The following CAMSAP3 variants were observed in gnomAD, a reference collection of about 807,000 sequenced individuals.
CAMSAP3 encodes calmodulin regulated spectrin associated protein family member 3.
CAMSAP3 carries 34 observed loss-of-function variants against 112.5 expected under a neutral mutation model. The ratio of observed to expected loss-of-function variants is 0.30; its 90% CI spans 0.23 to 0.40. The LOEUF (loss-of-function observed/expected upper bound fraction) is 0.40. CAMSAP3 is among the 10% of genes least tolerant of loss of function. CAMSAP3 has a pLI of 1.00. For missense variants in CAMSAP3, 1,602 were observed against 1,770.3 expected (o/e 0.90, Z 1.71); for synonymous variants, 868 against 799.8 (o/e 1.09, Z -1.44).
At position 7,611,140 on chromosome 19, in the gene CAMSAP3, C is replaced by T. The variant is rs751206694; in HGVS notation, c.1095C>T (p.Gly365=). 2 of 1,613,518 alleles carry T rather than the reference C, an allele frequency of 1.2e-6. No individual in the cohort carries two copies. Among genetic ancestry groups the T allele is most frequent in the South Asian group, 1.1e-5 (1 of 91,082 alleles). The part of the protein sequence containing the change: ...TFRHPLLSSG[G]PQSPLRGSTG... ...GCCACCCGCTTCTGTCATCTGGTGG[C>T]CCCCAGTCCCCACTCCGAGGATCCA... is the stretch of plus-strand genomic sequence containing the variant. The change falls in exon 9 of 17, where the codon GGC becomes GGT. Residue 365 remains glycine, a synonymous_variant. Coordinates refer to ENST00000160298, the MANE Select transcript of CAMSAP3 (RefSeq NM_020902.2). This position sits in a 1 kb window ranked among gnomAD's most constrained non-coding sequence, Gnocchi z 6.9.
In CAMSAP3 at chr19:7,612,277, C is replaced by T; in HGVS notation, c.1784C>T (p.Ala595Val). The T allele has an allele frequency of 6.3e-7, 1 of 1,599,026 alleles. No individual in the cohort carries two copies. The highest frequency in any genetic ancestry group is 2.3e-5 in the East Asian group (1 of 44,152). Residue 595 changes from alanine to valine, a missense_variant, in exon 11 of 17, where the codon GCC becomes GTC. Physicochemically the swap from Ala to Val is moderately conservative, Grantham distance 64. Transcript: ENST00000160298. The part of the protein sequence containing the change: ...SPTSTPAPPE[A>V]LSSEMSELSA... ...ACGTCCACTCCGGCCCCGCCGGAGG[C>T]CCTGAGCTCGGAGATGAGTGAGCTC...
rs2030483882 is a variant in CAMSAP3 at position 7,611,507 on chromosome 19, C to T, written c.1124-10C>T. On this transcript the variant is annotated splice_polypyrimidine_tract_variant and intron_variant, in intron 9 of 16. Coordinates refer to ENST00000160298, the MANE Select transcript of CAMSAP3 (RefSeq NM_020902.2). The surrounding 1 kb of genome is among the most constrained non-coding windows in gnomAD (Gnocchi z 6.9). ...GGGTCCCCATAGTGACCACTCATCG[C>T]CTCCCCCAGGCTCCCTGAAGTCTTC... 6.2e-7 allele frequency: 1 copy of T among 1,604,832 alleles called. No homozygotes were observed. The highest frequency in any genetic ancestry group is 8.5e-7 in the Non-Finnish European group (1 of 1,175,614).
chr19:7,608,043 C>T (rs2030305662), intron 4 of CAMSAP3, 83 bp from the exon 5 acceptor site: 1 of 1,536,122 alleles, frequency 6.5e-7, no homozygotes, highest in East Asian at 2.3e-5. Context: ...TGGCGGAAAC[C>T]CCAGGCCTCC....
intron 4 of CAMSAP3, 115 bp downstream of exon 4, chr19:7,606,686 C>G: frequency 2.5e-6 from 4 of 1,580,504 alleles, no homozygotes; most frequent in Non-Finnish European, 3.5e-6. Flanking sequence ...GACACACTCT[C>G]TCTTTCTTCC....
At position 7,596,168 on chromosome 19, in the gene CAMSAP3, ACCGGGGTCGGGGGCGGC is replaced by A; in HGVS notation, c.148+19_148+35del. The A allele has an allele frequency of 1.1e-5, 1 of 93,148 alleles. No homozygotes were observed. Among genetic ancestry groups the A allele is most frequent in the Non-Finnish European group, 1.8e-5 (1 of 56,024 alleles). The allele number at this position is 93,148 out of a possible 1,614,324, so 5.8% of individuals were successfully genotyped here. On this transcript the variant is annotated intron_variant, in intron 1 of 16. Coordinates refer to ENST00000160298, the MANE Select transcript of CAMSAP3 (RefSeq NM_020902.2). ...GGGCGCAGGTACCGGGGCTCGGGGG[ACCGGGGTCGGGGGCGGC>A]GGGCCGGGCGCGGCAGGTGCTGGGG...
At chr19:7,609,593 A>G (rs1249020713) in intron 5 of CAMSAP3, among the ~76,000 whole-genome samples, 1 of 152,150 alleles carries the variant, frequency 6.6e-6, no homozygotes, top group Admixed American at 6.5e-5. Flanking sequence ...AGATGGAGGC[A>G]GGGAGGTGGT....
Position 7,617,853 on chromosome 19 carries a change from G to A in CAMSAP3, c.3546G>A (p.Leu1182=), listed in dbSNP as rs1363971329. Residue 1182 remains leucine (L), a synonymous_variant, in exon 17 of 17, where the codon CTG becomes CTA. Transcript: ENST00000160298. The surrounding 1 kb of genome is among the most constrained non-coding windows in gnomAD (Gnocchi z 7.5). ...CGCTGTCGGGGGAGACAGAGGAGCT[G>A]TCGCGGCTGGCAGGGTATGGGCCCC... ...LYTLSGETEE[L]SRLAGYGPRT... 2 of 1,613,638 alleles carry A rather than the reference G, an allele frequency of 1.2e-6. No homozygotes were observed. Among genetic ancestry groups the A allele is most frequent in the Admixed American group, 3.3e-5 (2 of 60,008 alleles).
Position 7,610,406 on chromosome 19 carries a change from G to A in CAMSAP3, c.761-70G>A, listed in dbSNP as rs960504290. On this transcript the variant is annotated intron_variant, in intron 5 of 16. Coordinates refer to ENST00000160298, the MANE Select transcript of CAMSAP3 (RefSeq NM_020902.2). This position sits in a 1 kb window ranked among gnomAD's most constrained non-coding sequence, Gnocchi z 4.9. ...GTCTTCCGTGTGTGGGGGACTGCTG[G>A]TCCCTGGCTTCCCTGGGGCCCCATC... 6.2e-6 allele frequency: 9 copies of A among 1,458,306 alleles called. No homozygotes were observed. Among genetic ancestry groups the A allele is most frequent in the Non-Finnish European group, 8.4e-6 (9 of 1,071,334 alleles). The allele number at this position is 1,458,306 out of a possible 1,614,324, so 90.3% of individuals were successfully genotyped here. A position where few individuals can be genotyped will look rare whatever the true frequency, so the allele number is the denominator to read the frequency against.
Position 7,612,918 on chromosome 19 carries a change from C to A in CAMSAP3, c.2425C>A (p.His809Asn), listed in dbSNP as rs1480100355. The change falls in exon 11 of 17, where the codon CAC becomes AAC. Residue 809 changes from histidine to asparagine, a missense_variant. This residue lies in a region of CAMSAP3 where 1,100 missense variants were observed against 1,135.7 expected (regional missense o/e 0.97). Coordinates refer to ENST00000160298, the MANE Select transcript of CAMSAP3 (RefSeq NM_020902.2). ...ACCCCACGACGTAGACAGCCTCCCCCACCTGCGCAAGTTCTCGCCGAGCCA... is the reference window on the plus strand; with the variant it reads ...ACCCCACGACGTAGACAGCCTCCCCAACCTGCGCAAGTTCTCGCCGAGCCA... ...TPPHDVDSLP[H>N]LRKFSPSQVP... The A allele has an allele frequency of 4.3e-6, 7 of 1,609,932 alleles. No homozygotes were observed. Among genetic ancestry groups the A allele is most frequent in the South Asian group, 2.2e-5 (2 of 90,888 alleles).
In CAMSAP3 at chr19:7,617,296, C is replaced by T. The variant is rs2030857370; in HGVS notation, c.3213-30C>T. 6.6e-7 allele frequency: 1 copy of T among 1,518,468 alleles called. No homozygotes were observed. Among genetic ancestry groups the T allele is most frequent in the South Asian group, 1.1e-5 (1 of 89,252 alleles). 94.1% of individuals were successfully genotyped at this position (1,518,468 alleles called of 1,614,324 possible). On this transcript the variant is annotated intron_variant, in intron 14 of 16. Transcript: ENST00000160298. The surrounding 1 kb of genome is among the most constrained non-coding windows in gnomAD (Gnocchi z 7.5). ...CCCCACCTCCATCCCATCCTGACCC[C>T]ACCTCCATCCCATCCTTCTCCCACT...
chr19:7,598,219 G>T (rs532084570), intron 1 of CAMSAP3, among the ~76,000 whole-genome samples: 1 of 152,294 alleles, frequency 6.6e-6, no homozygotes, highest in East Asian at 1.9e-4. Context: ...CAGGTGGAAA[G>T]ATTTGAGTCT....
At position 7,617,216 on chromosome 19, in the gene CAMSAP3, C is replaced by A; in HGVS notation, c.3213-110C>A. On this transcript the variant is annotated intron_variant, in intron 14 of 16. Coordinates refer to ENST00000160298, the MANE Select transcript of CAMSAP3 (RefSeq NM_020902.2). The surrounding 1 kb of genome is among the most constrained non-coding windows in gnomAD (Gnocchi z 7.5). ...ACAGGCATGAGCCACGATGCCCAGC[C>A]GTGGCCCTTATTTTCCTTGGCCCCT... 4 of 785,634 alleles carry A rather than the reference C, an allele frequency of 5.1e-6. No homozygotes were observed. The highest frequency in any genetic ancestry group is 9.0e-6 in the Non-Finnish European group (4 of 446,220). 48.7% of individuals were successfully genotyped at this position (785,634 alleles called of 1,614,324 possible).
At position 7,606,315 on chromosome 19, in the gene CAMSAP3, C is replaced by T; in HGVS notation, c.447C>T (p.Ala149=). The change falls in exon 3 of 17, where the codon GCC becomes GCT. Residue 149 remains alanine, a synonymous_variant. Coordinates refer to ENST00000160298, the MANE Select transcript of CAMSAP3 (RefSeq NM_020902.2). ...AVIDALMAAF[A]FEWTKTLPGP... Reference sequence around the variant, plus strand: ...TTGATGCCCTCATGGCTGCCTTTGCCTTCGAGTGGACAAAGACCCTGCCAG... The same window carrying T: ...TTGATGCCCTCATGGCTGCCTTTGCTTTCGAGTGGACAAAGACCCTGCCAG... 6.2e-7 allele frequency: 1 copy of T among 1,613,858 alleles called. No individual in the cohort carries two copies. Among genetic ancestry groups the T allele is most frequent in the Non-Finnish European group, 8.5e-7 (1 of 1,180,016 alleles).
Position 7,611,037 on chromosome 19 carries a change from G to A in CAMSAP3, c.1050-58G>A. ...CTGGGTGATGCTGTTGTCTCCCCCC[G>A]GGGAGAGGCGGAGGAGGAGGTGGGG... On this transcript the variant is annotated intron_variant, in intron 8 of 16. Coordinates refer to ENST00000160298, the MANE Select transcript of CAMSAP3 (RefSeq NM_020902.2). This position sits in a 1 kb window ranked among gnomAD's most constrained non-coding sequence, Gnocchi z 6.9. The A allele has an allele frequency of 6.2e-7, 1 of 1,603,834 alleles. No homozygotes were observed. Among genetic ancestry groups the A allele is most frequent in the Non-Finnish European group, 8.5e-7 (1 of 1,171,846 alleles).
chr19:7,602,737 G>A (rs891308331), intron 1 of CAMSAP3, among the ~76,000 whole-genome samples: 2 of 151,614 alleles, frequency 1.3e-5, no homozygotes, highest in African/African-American at 2.4e-5. Context: ...GGGGTAGGGT[G>A]GCCTGGGGTG....
At position 7,617,457 on chromosome 19, in the gene CAMSAP3, T is replaced by A; in HGVS notation, c.3325+19T>A. Reference sequence around the variant, plus strand: ...TACACAGGTAAGCAGGGGCTCTGGGTGATGTGAGGAGCAACAGGCACCCTC... The same window carrying A: ...TACACAGGTAAGCAGGGGCTCTGGGAGATGTGAGGAGCAACAGGCACCCTC... On this transcript the variant is annotated intron_variant, in intron 15 of 16. Coordinates refer to ENST00000160298, the MANE Select transcript of CAMSAP3 (RefSeq NM_020902.2). This position sits in a 1 kb window ranked among gnomAD's most constrained non-coding sequence, Gnocchi z 7.5. The A allele has an allele frequency of 6.2e-7, 1 of 1,611,212 alleles. No homozygotes were observed. Among genetic ancestry groups the A allele is most frequent in the Non-Finnish European group, 8.5e-7 (1 of 1,177,592 alleles).
Position 7,613,028 on chromosome 19 carries a change from G to A in CAMSAP3, c.2535G>A (p.Glu845=). The change falls in exon 11 of 17, where the codon GAG becomes GAA. Residue 845 remains glutamate, a synonymous_variant. Transcript: ENST00000160298. ...CAGCCGCCCGGCCGGGCCTCATCGA[G>A]ATCCCGCTGGGCAGCCTGGCAGATC... ...EEPAARPGLI[E]IPLGSLADPA... 1 of 1,555,694 alleles carries A rather than the reference G, an allele frequency of 6.4e-7. No individual in the cohort carries two copies. The highest frequency in any genetic ancestry group is 8.7e-7 in the Non-Finnish European group (1 of 1,151,372).
In CAMSAP3 at chr19:7,611,517, G is replaced by T. The variant is rs932788883; in HGVS notation, c.1124G>T (p.Gly375Val). Residue 375 changes from glycine to valine, a missense_variant and splice_region_variant, in exon 10 of 17, where the codon GGC (glycine) becomes GTC (valine). Transcript: ENST00000160298. This position sits in a 1 kb window ranked among gnomAD's most constrained non-coding sequence, Gnocchi z 6.9. Reference sequence around the variant, plus strand: ...AGTGACCACTCATCGCCTCCCCCAGGCTCCCTGAAGTCTTCCCCGTCCATG... The same window carrying T: ...AGTGACCACTCATCGCCTCCCCCAGTCTCCCTGAAGTCTTCCCCGTCCATG... Reference protein sequence around the residue: ...GPQSPLRGSTGSLKSSPSMSH... With the variant: ...GPQSPLRGSTVSLKSSPSMSH... 1 of 1,610,124 alleles carries T rather than the reference G, an allele frequency of 6.2e-7. No individual in the cohort carries two copies. Among genetic ancestry groups the T allele is most frequent in the Non-Finnish European group, 8.5e-7 (1 of 1,178,354 alleles).
rs891507430 is a variant in CAMSAP3, at chr19:7,615,377, C to T, written c.2811-41C>T. On this transcript the variant is annotated intron_variant, in intron 12 of 16. Coordinates refer to ENST00000160298, the MANE Select transcript of CAMSAP3 (RefSeq NM_020902.2). The surrounding 1 kb of genome is among the most constrained non-coding windows in gnomAD (Gnocchi z 6.5). ...TCCTTGGCCTGTCTGCCACCGCGGA[C>T]CCCGTGAGCGGTTCTGATGCCGATT... 2 of 1,535,084 alleles carry T rather than the reference C, an allele frequency of 1.3e-6. No individual in the cohort carries two copies. Among genetic ancestry groups the T allele is most frequent in the Non-Finnish European group, 1.8e-6 (2 of 1,139,508 alleles).
Sources: allele counts gnomAD v4.1 joint callset (sites outside exome capture counted in the v4.1 genomes callset), GRCh38; gene constraint gnomAD v4.1.1; regional missense constraint gnomAD v4.1.1; non-coding constraint Gnocchi (gnomAD v3.1); transcripts MANE v1.5; gene names NCBI Gene and HGNC (gene_info 2026-07-23, HGNC 2026-07-21).